Variants in PIK3CB observed in about 807,000 individuals in gnomAD.
PIK3CB encodes phosphatidylinositol 4,5-bisphosphate 3-kinase catalytic subunit beta isoform.
PIK3CB carries 39 observed loss-of-function variants against 136.8 expected under a neutral mutation model. That is an observed-to-expected ratio of 0.29 (90% CI 0.22 to 0.37). The LOEUF is 0.37. Ranked by LOEUF, PIK3CB falls within the 10% of genes least tolerant of loss-of-function variation. PIK3CB has a pLI of 1.00. For synonymous variants in PIK3CB, 428 were observed against 436.6 expected (o/e 0.98, Z 0.25); for missense variants, 868 against 1,275.4 (o/e 0.68, Z 4.87).
At chr3:138,711,820 A>C (rs1344063869) in intron 10 of PIK3CB, among the ~76,000 whole-genome samples, 1 of 151,950 alleles carries the variant, frequency 6.6e-6, no homozygotes, top group Non-Finnish European at 1.5e-5. Context: ...TAACTTGTTA[A>C]AATAACCGTT....
chr3:138,699,129 T>C lies in PIK3CB; in HGVS notation c.1582-34A>G, dbSNP rs1424778530. 8 of 1,163,854 alleles carry C rather than the reference T, an allele frequency of 6.9e-6. No individual in the cohort carries two copies. In the African/African-American group the frequency reaches 1.1e-4, roughly 16 times the overall value. 72.1% of individuals were successfully genotyped at this position (1,163,854 alleles called of 1,614,324 possible). A position where few individuals can be genotyped will look rare whatever the true frequency, so the allele number is the denominator to read the frequency against. ...GTAAAATGCTCATTATAGAATTTAA[T>C]TGTGCAAACACCACAGCGAACTTTC... On this transcript the variant is annotated intron_variant, in intron 12 of 23. Coordinates refer to ENST00000674063, the MANE Select transcript of PIK3CB (RefSeq NM_006219.3).
At chr3:138,675,324 A>C (rs1377691407) in intron 19 of PIK3CB, among the ~76,000 whole-genome samples, 16 of 152,268 alleles carry the variant, frequency 1.1e-4, no homozygotes, top group Non-Finnish European at 1.9e-4. Flanking sequence ...GACCTGTAGA[A>C]CACCACCAAG....
In PIK3CB at chr3:138,722,221, GACACAC is replaced by G. The variant is rs56139182; in HGVS notation, c.1051-7508_1051-7503del. ...TCTGTATTGTATGTGCTATGTAAGA[GACACAC>G]ACACACACACACACACACACACACA... On this transcript the variant is annotated intron_variant, in intron 8 of 23. Coordinates refer to ENST00000674063, the MANE Select transcript of PIK3CB (RefSeq NM_006219.3). 4.9e-3 allele frequency among the ~76,000 whole-genome samples: 713 copies of G among 144,192 alleles called. 5 individuals carry two copies. Among genetic ancestry groups the G allele is most frequent in the East Asian group, 0.015 (75 of 4,952 alleles). 94.6% of individuals were successfully genotyped at this position (144,192 alleles called of 152,430 possible). A position where few individuals can be genotyped will look rare whatever the true frequency, so the allele number is the denominator to read the frequency against.
At chr3:138,801,861 C>CA (rs35232938) in intron 1 of PIK3CB, among the ~76,000 whole-genome samples, 25,161 of 57,002 alleles carry the variant, frequency 0.44, 5,386 homozygotes, top group Non-Finnish European at 0.54. Context: ...GACTCCATCT[C>CA]AAAAAAAAAA....
At chr3:138,664,908 C>T (rs1418595783) in intron 20 of PIK3CB, 128 bp downstream of exon 20, 1 of 536,702 alleles carries the variant, frequency 1.9e-6, no homozygotes, top group Non-Finnish European at 3.2e-6. Flanking sequence ...TTTGTTCTAA[C>T]AAGAAATGAA....
In PIK3CB at chr3:138,806,581, A is replaced by G. The variant is rs1048539686; in HGVS notation, c.-121-10014T>C. On this transcript the variant is annotated intron_variant, in intron 1 of 23. Transcript: ENST00000674063. ...CCAAGAGTGACATAGTTGTATGGAC[A>G]ATGCTAGAACTGAAGAGAGGAAGCT... 4.6e-5 allele frequency among the ~76,000 whole-genome samples: 7 copies of G among 152,338 alleles called. No individual in the cohort carries two copies. The East Asian group carries it at 5.8e-4, about 13-fold the overall frequency.
intron 1 of PIK3CB, among the ~76,000 whole-genome samples, chr3:138,799,930 C>T (rs1460605235): frequency 6.6e-6 from 1 of 152,176 alleles, no homozygotes; most frequent in Non-Finnish European, 1.5e-5. Context: ...CCACCCACTT[C>T]AGCCTCTAAA....
At position 138,704,429 on chromosome 3, in the gene PIK3CB, C is replaced by G; in HGVS notation, c.1581+14G>C. On this transcript the variant is annotated intron_variant, in intron 12 of 23. Transcript: ENST00000674063. ...CTCCATAAGAAAGGGCCATTTAAAA[C>G]TCTTGATACTTACTGACACATTAGC... 1.3e-6 allele frequency: 2 copies of G among 1,569,472 alleles called. No homozygotes were observed. Among genetic ancestry groups the G allele is most frequent in the African/African-American group, 2.7e-5 (2 of 74,194 alleles).
chr3:138,802,764 T>C (rs2046191910), intron 1 of PIK3CB, among the ~76,000 whole-genome samples: 1 of 152,148 alleles, frequency 6.6e-6, no homozygotes, highest in Non-Finnish European at 1.5e-5. Flanking sequence ...TGCCAGTCTC[T>C]CTTGAGGTTT....
At chr3:138,668,272 C>G (rs984214338) in intron 19 of PIK3CB, among the ~76,000 whole-genome samples, 2 of 152,140 alleles carry the variant, frequency 1.3e-5, no homozygotes, top group African/African-American at 4.8e-5. Flanking sequence ...TTTCCTGCAT[C>G]TCCTCTCACT....
chr3:138,703,021 T>A (rs2044286976), intron 12 of PIK3CB, among the ~76,000 whole-genome samples: 1 of 152,084 alleles, frequency 6.6e-6, no homozygotes, highest in Non-Finnish European at 1.5e-5. Flanking sequence ...TAAATTATTA[T>A]CTGAAACTGT....
rs2108530445 is a variant in PIK3CB at position 138,699,000 on chromosome 3, C to G, written c.1677G>C (p.Trp559Cys). Residue 559 changes from tryptophan (W) to cysteine (C), a missense_variant, in exon 13 of 24, where the codon TGG (tryptophan) becomes TGC (cysteine). By Grantham distance (215) the Trp-to-Cys change is radical. This residue lies in a region of PIK3CB where 612 missense variants were observed against 801.1 expected (regional missense o/e 0.76). Transcript: ENST00000674063. ...QLCENEMDLI[W>C]TLRQDCREIF... ...TCTCTCGGCAGTCTTGTCGCAAAGT[C>G]CAAATAAGATCCATTTCATTTTCAC... is the stretch of plus-strand genomic sequence containing the variant. The G allele has an allele frequency of 6.2e-7, 1 of 1,607,406 alleles. No homozygotes were observed. Among genetic ancestry groups the G allele is most frequent in the Non-Finnish European group, 8.5e-7 (1 of 1,175,330 alleles).
At chr3:138,722,955 ATC>A (rs537958201) in intron 8 of PIK3CB, among the ~76,000 whole-genome samples, 57 of 151,994 alleles carry the variant, frequency 3.8e-4, no homozygotes, top group Non-Finnish European at 6.6e-4. Context: ...TGCTTGAGAA[ATC>A]TCTGTGTAAT....
At position 138,696,782 on chromosome 3, in the gene PIK3CB, A is replaced by G. The variant is rs180898421; in HGVS notation, c.1771-1875T>C. ...CCCTCCCTGCTTTGCCAAAGGCCCT[A>G]ATGGACCAGCAGTCTTCTTTATGAG... is the stretch of plus-strand genomic sequence containing the variant. On this transcript the variant is annotated intron_variant, in intron 13 of 23. Coordinates refer to ENST00000674063, the MANE Select transcript of PIK3CB (RefSeq NM_006219.3). Among the ~76,000 whole-genome samples the G allele has an allele frequency of 3.0e-3, 455 of 152,304 alleles. 1 individual carries two copies. Among genetic ancestry groups the G allele is most frequent in the Middle Eastern group, 0.01 (3 of 294 alleles).
chr3:138,773,090 T>C (rs1187326443), intron 2 of PIK3CB, among the ~76,000 whole-genome samples: 1 of 151,982 alleles, frequency 6.6e-6, no homozygotes, highest in Non-Finnish European at 1.5e-5. Flanking sequence ...TCTTAATATG[T>C]ATGTGTTCAT....
intron 2 of PIK3CB, 42 bp from the exon 3 acceptor site, chr3:138,759,401 C>G: frequency 2.9e-6 from 4 of 1,365,598 alleles, no homozygotes; most frequent in Non-Finnish European, 4.1e-6. Context: ...AACCATCAGC[C>G]AAATTTTATA....
intron 20 of PIK3CB, among the ~76,000 whole-genome samples, chr3:138,664,704 T>C (rs1277854886): frequency 6.6e-6 from 1 of 152,190 alleles, no homozygotes; most frequent in Admixed American, 6.5e-5. Flanking sequence ...TACCAACTCA[T>C]TAAAAACTCA....
At chr3:138,711,032 G>A (rs1004305942) in intron 10 of PIK3CB, among the ~76,000 whole-genome samples, 2 of 150,500 alleles carry the variant, frequency 1.3e-5, no homozygotes, top group African/African-American at 2.4e-5. Context: ...TGAAGTGAGC[G>A]CATATCACAC....
intron 19 of PIK3CB, among the ~76,000 whole-genome samples, chr3:138,674,370 C>G (rs925290694): frequency 6.6e-6 from 1 of 152,018 alleles, no homozygotes; most frequent in Admixed American, 6.6e-5. Context: ...CCTCAGCAGA[C>G]TGGAAGAGGG....
Sources: allele counts gnomAD v4.1 joint callset (sites outside exome capture counted in the v4.1 genomes callset), GRCh38; gene constraint gnomAD v4.1.1; regional missense constraint gnomAD v4.1.1; transcripts MANE v1.5; gene names NCBI Gene and HGNC (gene_info 2026-07-23, HGNC 2026-07-21).